Variants in FOCAD observed in about 807,000 individuals in gnomAD.
The protein encoded by FOCAD is KIAA1797.
A neutral mutation model predicts 225.6 loss-of-function variants in FOCAD; 198 were observed. That is an observed-to-expected ratio of 0.88 (90% CI 0.78 to 0.99). FOCAD has a LOEUF of 0.99. Among genes scored for constraint, FOCAD ranks in the 50% least tolerant of loss-of-function variants. The probability of loss-of-function intolerance (pLI) is 0.00; values close to 1 mark genes in which losing one functional copy is unlikely to be tolerated. For synonymous variants in FOCAD, 897 were observed against 755.0 expected (o/e 1.19, Z -3.08); for missense variants, 2,713 against 2,123.6 (o/e 1.28, Z -5.46).
At chr9:20,916,997 C>A in intron 24 of FOCAD, 60 bp downstream of exon 24, 1 of 1,332,378 alleles carries the variant, frequency 7.5e-7, no homozygotes, top group South Asian at 1.4e-5. Flanking sequence ...CTGGCAGGTA[C>A]ATACATTTTC....
intron 10 of FOCAD, among the ~76,000 whole-genome samples, chr9:20,784,737 A>C (rs1212230226): frequency 6.6e-6 from 1 of 152,116 alleles, no homozygotes; most frequent in African/African-American, 2.4e-5. Flanking sequence ...TTTTATTTGA[A>C]ATTGCTTTGA....
In FOCAD at chr9:20,948,334, A is replaced by G. The variant is rs1837378450; in HGVS notation, c.3739A>G (p.Lys1247Glu). 1 of 1,612,820 alleles carries G rather than the reference A, an allele frequency of 6.2e-7. No homozygotes were observed. Among genetic ancestry groups the G allele is most frequent in the African/African-American group, 1.3e-5 (1 of 74,952 alleles). Residue 1247 changes from lysine to glutamate, a missense_variant, in exon 31 of 44, where the codon AAA becomes GAA. By Grantham distance (56) the Lys-to-Glu change is moderately conservative. Coordinates refer to ENST00000338382, the MANE Select transcript of FOCAD (RefSeq NM_001375567.1). ...VHGLSVCGHG[K>E]AEDLGSKLLP... ...TGGATTGTCTGTGTGTGGACATGGAAAAGCTGAAGACTTGGGCAGCAAACT... is the reference window on the plus strand; with the variant it reads ...TGGATTGTCTGTGTGTGGACATGGAGAAGCTGAAGACTTGGGCAGCAAACT...
chr9:20,946,711 A>T lies in FOCAD; in HGVS notation c.3566A>T (p.Tyr1189Phe), dbSNP rs779747802. ...GTATTTTCTTCTCAGGTCCTTGCCT[A>T]CACACTTAGCTGTGTATGTACATCA... Reference protein sequence around the residue: ...QSRTFQEVLAYTLSCVCTSAF... With the variant: ...QSRTFQEVLAFTLSCVCTSAF... The change falls in exon 30 of 44, where the codon TAC (tyrosine) becomes TTC (phenylalanine). Residue 1189 changes from tyrosine to phenylalanine, a missense_variant. Tyr to Phe is a conservative substitution (Grantham distance 22). Coordinates refer to ENST00000338382, the MANE Select transcript of FOCAD (RefSeq NM_001375567.1). 1.2e-6 allele frequency: 2 copies of T among 1,612,054 alleles called. No homozygotes were observed. The highest frequency in any genetic ancestry group is 3.3e-5 in the Admixed American group (2 of 59,702).
chr9:20,907,478 C>T (rs1221494735), intron 22 of FOCAD, among the ~76,000 whole-genome samples: 1 of 152,030 alleles, frequency 6.6e-6, no homozygotes. Context: ...TGCCAGTCTC[C>T]TCCATCCTGC....
At chr9:20,943,159 G>T (rs1836837340) in intron 28 of FOCAD, among the ~76,000 whole-genome samples, 1 of 152,262 alleles carries the variant, frequency 6.6e-6, no homozygotes, top group Non-Finnish European at 1.5e-5. Context: ...TTCCGTAAAT[G>T]TGATTAGTCT....
At chr9:20,914,830 G>A (rs945744525) in intron 23 of FOCAD, among the ~76,000 whole-genome samples, 2 of 152,154 alleles carry the variant, frequency 1.3e-5, no homozygotes, top group South Asian at 2.1e-4. Context: ...TACACCCTGC[G>A]GGGCATGGTT....
chr9:20,794,221 A>G (rs1316407634), intron 11 of FOCAD, among the ~76,000 whole-genome samples: 22 of 152,216 alleles, frequency 1.4e-4, no homozygotes, highest in Non-Finnish European at 1.3e-4. Flanking sequence ...AGAGAGCAGG[A>G]GGTAATGTCC....
chr9:20,930,592 T>C (rs1470451789), intron 27 of FOCAD, among the ~76,000 whole-genome samples: 1 of 152,208 alleles, frequency 6.6e-6, no homozygotes, highest in Non-Finnish European at 1.5e-5. Context: ...GACCACTGAT[T>C]AAGTTCTTCA....
chr9:20,678,776 CTCCTT>C, intron 2 of FOCAD, among the ~76,000 whole-genome samples: 1 of 152,352 alleles, frequency 6.6e-6, no homozygotes. Context: ...ACTACACTCT[CTCCTT>C]TCTGCTTTCA....
At chr9:20,988,649 G>A (rs572370298) in intron 41 of FOCAD, among the ~76,000 whole-genome samples, 1 of 151,886 alleles carries the variant, frequency 6.6e-6, no homozygotes, top group Admixed American at 6.6e-5. Context: ...CTCTGATGCC[G>A]CAAGAAAACT....
intron 28 of FOCAD, among the ~76,000 whole-genome samples, chr9:20,936,264 G>T (rs981431431): frequency 3.9e-5 from 6 of 152,182 alleles, no homozygotes; most frequent in African/African-American, 1.4e-4. Flanking sequence ...CATTAAATCA[G>T]TGTTTACATT....
At chr9:20,911,311 G>A (rs1240149849) in intron 22 of FOCAD, among the ~76,000 whole-genome samples, 2 of 152,122 alleles carry the variant, frequency 1.3e-5, no homozygotes, top group Admixed American at 1.3e-4. Flanking sequence ...CAGAGTGCCT[G>A]AACTGGTGAG....
chr9:20,955,322 T>C (rs16938228), intron 35 of FOCAD, among the ~76,000 whole-genome samples: 3,147 of 152,252 alleles, frequency 0.021, 52 homozygotes, highest in Middle Eastern at 0.065. Flanking sequence ...AAATTTGAGA[T>C]AGTGAATCTG....
intron 35 of FOCAD, among the ~76,000 whole-genome samples, chr9:20,956,895 T>G (rs1838184364): frequency 1.3e-5 from 2 of 152,166 alleles, no homozygotes; most frequent in South Asian, 4.1e-4. Context: ...GACTTCTCCG[T>G]GGTGGTCAGG....
intron 21 of FOCAD, among the ~76,000 whole-genome samples, chr9:20,894,228 A>G (rs112060703): frequency 6.6e-6 from 1 of 152,160 alleles, no homozygotes; most frequent in African/African-American, 2.4e-5. Context: ...TTTAGTGTTG[A>G]ATAAAAATCC....
intron 5 of FOCAD, among the ~76,000 whole-genome samples, chr9:20,743,470 A>C (rs1471088546): frequency 6.6e-6 from 1 of 152,218 alleles, no homozygotes; most frequent in Admixed American, 6.5e-5. Flanking sequence ...GCTGAACCAA[A>C]TAAGTTGTAC....
At position 20,762,009 on chromosome 9, in the gene FOCAD, G is replaced by T. The variant is rs1470428174; in HGVS notation, c.495-2860G>T. Among the ~76,000 whole-genome samples, 4 of 152,208 alleles carry T rather than the reference G, an allele frequency of 2.6e-5. No homozygotes were observed. The East Asian group carries it at 7.7e-4, about 29-fold the overall frequency. On this transcript the variant is annotated intron_variant, in intron 6 of 43. Transcript: ENST00000338382. ...CAAGGGGATTTTTAAATAGTATATT[G>T]TCCTTAAGGAAGTTCAACGTTTGCT...
chr9:20,795,621 A>G lies in FOCAD; in HGVS notation c.1455+6013A>G, dbSNP rs374257684. Among the ~76,000 whole-genome samples, 42 of 151,930 alleles carry G rather than the reference A, an allele frequency of 2.8e-4. No individual in the cohort carries two copies. The East Asian group carries it at 6.4e-3, about 23-fold the overall frequency. On this transcript the variant is annotated intron_variant, in intron 11 of 43. Transcript: ENST00000338382. ...TACACGGTGAAACCCCGTCTCTACTAAAAATACAAAAACTTAGTCGGGCGT... is the reference window on the plus strand; with the variant it reads ...TACACGGTGAAACCCCGTCTCTACTGAAAATACAAAAACTTAGTCGGGCGT...
intron 27 of FOCAD, among the ~76,000 whole-genome samples, chr9:20,929,886 A>G (rs1373837972): frequency 6.6e-6 from 1 of 152,190 alleles, no homozygotes; most frequent in African/African-American, 2.4e-5. Context: ...TGTGGTGGAC[A>G]TGAGAAAAGT....
Sources: gnomAD v4.1 joint callset for allele counts (sites outside exome capture counted in the v4.1 genomes callset) on GRCh38, gnomAD v4.1.1 for gene constraint, MANE v1.5 for transcripts, NCBI Gene and HGNC (gene_info 2026-07-23, HGNC 2026-07-21) for gene names.